Variants in TMEFF2 observed in about 807,000 individuals in gnomAD.
The protein encoded by TMEFF2 is tomoregulin-2.
TMEFF2 carries 28 observed loss-of-function variants against 53.8 expected under a neutral mutation model. The observed-to-expected ratio is 0.52, with a 90% CI of 0.39 to 0.71. The LOEUF is 0.71. TMEFF2 is among the 30% of genes least tolerant of loss of function. The pLI, the probability that TMEFF2 is intolerant of heterozygous loss-of-function variation, is 0.00. For missense variants in TMEFF2, 353 were observed against 455.2 expected, an observed-to-expected ratio of 0.78 and a Z score of 2.04; for synonymous variants, 162 against 166.3, an observed-to-expected ratio of 0.97 and a Z score of 0.20.
intron 4 of TMEFF2, among the ~76,000 whole-genome samples, chr2:192,161,938 T>A (rs754796254): frequency 3.9e-5 from 6 of 152,206 alleles, no homozygotes; most frequent in Non-Finnish European, 7.3e-5. Context: ...TGCTTGATGT[T>A]CACCATATTA....
intron 5 of TMEFF2, among the ~76,000 whole-genome samples, chr2:192,020,078 A>G (rs1165860269): frequency 6.6e-6 from 1 of 152,058 alleles, no homozygotes; most frequent in Non-Finnish European, 1.5e-5. Flanking sequence ...GCTTTTTTCC[A>G]GGCTCTGAGG....
rs185196091 is a variant in TMEFF2, at chr2:192,017,093, T to C, written c.537-17885A>G. 5.9e-5 allele frequency among the ~76,000 whole-genome samples: 9 copies of C among 152,196 alleles called. No individual in the cohort carries two copies. The East Asian group carries it at 1.5e-3, about 26-fold the overall frequency. On this transcript the variant is annotated intron_variant, in intron 5 of 9. Transcript: ENST00000272771. ...ACAGAAGTGGGAGACAAATCTCCAA[T>C]ATAGAGGAAAGAGTTTATGCCCAAA...
chr2:192,129,701 G>T (rs1450780445), intron 4 of TMEFF2, among the ~76,000 whole-genome samples: 6 of 152,204 alleles, frequency 3.9e-5, no homozygotes, highest in African/African-American at 1.4e-4. Flanking sequence ...TGGACTAAAT[G>T]TGTACATCTG....
intron 5 of TMEFF2, among the ~76,000 whole-genome samples, chr2:192,000,299 A>G (rs1382391448): frequency 6.6e-6 from 1 of 152,122 alleles, no homozygotes; most frequent in Non-Finnish European, 1.5e-5. Flanking sequence ...TAGGCATACA[A>G]TGGCAAGCAG....
intron 5 of TMEFF2, chr2:192,036,214 G>C (rs1352729644): frequency 6.6e-6 from 1 of 152,176 alleles, no homozygotes; most frequent in African/African-American, 2.4e-5. Context: ...CTCTTCAAGA[G>C]GTTACATTCC....
At chr2:192,150,932 G>T (rs1040962773) in intron 4 of TMEFF2, among the ~76,000 whole-genome samples, 2 of 151,694 alleles carry the variant, frequency 1.3e-5, no homozygotes, top group Non-Finnish European at 2.9e-5. Context: ...ATATGGTTTG[G>T]TTCTGTGTCC....
chr2:192,051,230 G>GTT (rs10666491), intron 5 of TMEFF2, among the ~76,000 whole-genome samples: 16,239 of 145,562 alleles, frequency 0.11, 1,136 homozygotes, highest in East Asian at 0.32. Flanking sequence ...TTTTTTCTGG[G>GTT]TTTTTTTTTT....
intron 4 of TMEFF2, among the ~76,000 whole-genome samples, chr2:192,153,791 G>A (rs148755682): frequency 5.3e-5 from 8 of 151,908 alleles, no homozygotes; most frequent in Non-Finnish European, 8.8e-5. Flanking sequence ...CTCTATACTC[G>A]AATAGGGATG....
chr2:192,150,205 C>T (rs939595282), intron 4 of TMEFF2, among the ~76,000 whole-genome samples: 2 of 151,872 alleles, frequency 1.3e-5, no homozygotes, highest in African/African-American at 4.8e-5. Flanking sequence ...AACTTAGTTA[C>T]CATATTCCTC....
intron 5 of TMEFF2, among the ~76,000 whole-genome samples, chr2:192,014,806 G>C (rs1055283560): frequency 6.6e-6 from 1 of 152,092 alleles, no homozygotes; most frequent in African/African-American, 2.4e-5. Flanking sequence ...CAAAAGTTTA[G>C]GTAGAACAAG....
chr2:192,132,290 T>G (rs1484130133), intron 4 of TMEFF2, among the ~76,000 whole-genome samples: 1 of 152,150 alleles, frequency 6.6e-6, no homozygotes, highest in African/African-American at 2.4e-5. Context: ...TAGTCCAGGT[T>G]AATGCTCCTT....
intron 4 of TMEFF2, among the ~76,000 whole-genome samples, chr2:192,059,658 T>C (rs1574336286): frequency 6.6e-6 from 1 of 152,162 alleles, no homozygotes; most frequent in African/African-American, 2.4e-5. Context: ...TGGTAAGGGA[T>C]TGACTGGAGG....
chr2:192,058,785 C>A (rs1016836256), intron 4 of TMEFF2, among the ~76,000 whole-genome samples: 6 of 152,090 alleles, frequency 3.9e-5, no homozygotes, highest in Non-Finnish European at 8.8e-5. Flanking sequence ...ATCAAGGGAA[C>A]CTTTAAGAAG....
At chr2:192,122,280 A>C (rs1559135742) in intron 4 of TMEFF2, among the ~76,000 whole-genome samples, 1 of 152,170 alleles carries the variant, frequency 6.6e-6, no homozygotes. Context: ...CTTAATGCTA[A>C]AAAAAGGTAC....
intron 5 of TMEFF2, chr2:192,027,922 T>C (rs1687011912): frequency 6.6e-6 from 1 of 152,110 alleles, no homozygotes; most frequent in Non-Finnish European, 1.5e-5. Context: ...CCATGAGTCA[T>C]GGGAACTCGT....
chr2:191,998,039 G>A (rs1461313084), intron 7 of TMEFF2, among the ~76,000 whole-genome samples: 8 of 151,790 alleles, frequency 5.3e-5, no homozygotes, highest in African/African-American at 1.2e-4. Flanking sequence ...TTATATCTTA[G>A]TGACATTTTT....
chr2:191,967,846 C>T (rs546819160), intron 7 of TMEFF2, among the ~76,000 whole-genome samples: 1 of 152,232 alleles, frequency 6.6e-6, no homozygotes, highest in Admixed American at 6.5e-5. Flanking sequence ...TTCCCGCATC[C>T]ACTCTTGGAT....
At position 192,059,613 on chromosome 2, in the gene TMEFF2, G is replaced by C. The variant is rs76361759; in HGVS notation, c.440-1838C>G. Among the ~76,000 whole-genome samples the C allele has an allele frequency of 2.6e-4, 39 of 152,294 alleles. No homozygotes were observed. In the East Asian group the frequency reaches 7.3e-3, roughly 29 times the overall value. On this transcript the variant is annotated intron_variant, in intron 4 of 9. Transcript: ENST00000272771. ...CTTAATGAACAGTGATGGCCACTTAGAGACAGCCCCATTTTCTTCAGCAGT... is the reference window on the plus strand; with the variant it reads ...CTTAATGAACAGTGATGGCCACTTACAGACAGCCCCATTTTCTTCAGCAGT...
chr2:191,974,713 ATAAAAGCTGCTCT>A (rs890422369), intron 7 of TMEFF2, among the ~76,000 whole-genome samples: 5 of 152,108 alleles, frequency 3.3e-5, no homozygotes, highest in African/African-American at 1.2e-4. Context: ...AGCCATGTCT[ATAAAAGCTGCTCT>A]AAAATATCAG....
Sources: gnomAD v4.1 joint callset for allele counts (sites outside exome capture counted in the v4.1 genomes callset) on GRCh38, gnomAD v4.1.1 for gene constraint, MANE v1.5 for transcripts, NCBI Gene and HGNC (gene_info 2026-07-23, HGNC 2026-07-21) for gene names.